SPIDR: variants seen among roughly 807,000 people sequenced by gnomAD.
The protein encoded by SPIDR is DNA repair-scaffolding protein.
SPIDR carries 93 observed loss-of-function variants against 104.6 expected under a neutral mutation model. The observed-to-expected ratio is 0.89, with a 90% CI of 0.75 to 1.06. SPIDR has a LOEUF of 1.06. SPIDR is among the 50% of genes least tolerant of loss of function. SPIDR has a pLI of 0.00. For synonymous variants in SPIDR, 431 were observed against 416.9 expected, an observed-to-expected ratio of 1.03 and a Z score of -0.41; for missense variants, 1,154 against 1,111.2, an observed-to-expected ratio of 1.04 and a Z score of -0.55.
chr8:47,732,283 C>T (rs1436918079), intron 19 of SPIDR: 3 of 689,444 alleles, frequency 4.4e-6, no homozygotes, highest in Non-Finnish European at 7.9e-6. Context: ...GGTGTGTGTA[C>T]CTGAGTGCAC....
intron 10 of SPIDR, among the ~76,000 whole-genome samples, chr8:47,654,789 A>T (rs1004073102): frequency 6.6e-6 from 1 of 152,084 alleles, no homozygotes; most frequent in Non-Finnish European, 1.5e-5. Context: ...GGTTTGTTAC[A>T]TATGTATACA....
chr8:47,289,941 A>G lies in SPIDR; in HGVS notation c.257-1092A>G, dbSNP rs371466521. Among the ~76,000 whole-genome samples, 179 of 152,316 alleles carry G rather than the reference A, an allele frequency of 1.2e-3. 1 individual carries two copies. The East Asian group carries it at 0.024, about 21-fold the overall frequency. On this transcript the variant is annotated intron_variant, in intron 3 of 19. Coordinates refer to ENST00000297423, the MANE Select transcript of SPIDR (RefSeq NM_001080394.4). ...CTATTCAGTAATAAAAAGAAAATAA[A>G]TGTTGATACACACAACTTAGATGAA...
intron 11 of SPIDR, among the ~76,000 whole-genome samples, chr8:47,697,093 G>A (rs1032837463): frequency 6.6e-6 from 1 of 151,990 alleles, no homozygotes; most frequent in Non-Finnish European, 1.5e-5. Context: ...CTCTTGAGGG[G>A]TGTCTCCAAG....
intron 5 of SPIDR, among the ~76,000 whole-genome samples, chr8:47,357,110 G>A (rs1280080096): frequency 1.3e-5 from 2 of 152,292 alleles, no homozygotes; most frequent in Middle Eastern, 3.4e-3. Context: ...AGTTTAAGTT[G>A]AGTGCTTGTG....
chr8:47,589,324 G>A (rs2060701397), intron 8 of SPIDR, among the ~76,000 whole-genome samples: 1 of 151,832 alleles, frequency 6.6e-6, no homozygotes, highest in African/African-American at 2.4e-5. Flanking sequence ...TTTGAGACCA[G>A]CCTGGCTAGC....
At chr8:47,446,447 C>G (rs544439608) in intron 8 of SPIDR, among the ~76,000 whole-genome samples, 17 of 152,254 alleles carry the variant, frequency 1.1e-4, no homozygotes, top group African/African-American at 3.9e-4. Context: ...ACCTAGTCAG[C>G]CAAGAGCTCT....
At chr8:47,401,838 T>A (rs2061941247) in intron 6 of SPIDR, among the ~76,000 whole-genome samples, 1 of 152,114 alleles carries the variant, frequency 6.6e-6, no homozygotes, top group Non-Finnish European at 1.5e-5. Flanking sequence ...ATAAAGCAAG[T>A]CCTTAGAGAC....
intron 5 of SPIDR, among the ~76,000 whole-genome samples, chr8:47,341,134 G>C (rs1385520292): frequency 6.6e-6 from 1 of 152,156 alleles, no homozygotes; most frequent in Non-Finnish European, 1.5e-5. Context: ...CACCTGTGGG[G>C]TCTGTGCTAA....
intron 8 of SPIDR, among the ~76,000 whole-genome samples, chr8:47,525,071 A>AAGT (rs1348401547): frequency 6.6e-6 from 1 of 152,212 alleles, no homozygotes; most frequent in Non-Finnish European, 1.5e-5. Flanking sequence ...TTCCCGGACT[A>AAGT]GGGTGAATTC....
rs560718973 is a variant in SPIDR, at chr8:47,704,087, G to A, written c.1977+2072G>A. 1.1e-4 allele frequency among the ~76,000 whole-genome samples: 17 copies of A among 152,292 alleles called. 1 individual carries two copies. The highest frequency in any genetic ancestry group is 3.4e-3 in the Middle Eastern group (1 of 294). ...TGATATGTTAGTAACTGTCAATTGC[G>A]TTTCCTTTCCTTCTCTGCAGAAAGT... On this transcript the variant is annotated intron_variant, in intron 14 of 19. Transcript: ENST00000297423.
intron 8 of SPIDR, among the ~76,000 whole-genome samples, chr8:47,446,052 G>T (rs1408884935): frequency 6.6e-6 from 1 of 152,208 alleles, no homozygotes; most frequent in Non-Finnish European, 1.5e-5. Context: ...ATTAATGAAG[G>T]TGGCTACACT....
intron 1 of SPIDR, 46 bp downstream of exon 1, chr8:47,261,037 C>T: frequency 2.4e-6 from 3 of 1,225,032 alleles, no homozygotes; most frequent in Non-Finnish European, 3.1e-6. Flanking sequence ...TCCCGCGTTG[C>T]GGGGAAGCGG....
intron 8 of SPIDR, among the ~76,000 whole-genome samples, chr8:47,519,531 CTT>C: frequency 6.6e-6 from 1 of 152,304 alleles, no homozygotes; most frequent in South Asian, 2.1e-4. Flanking sequence ...AATCCGAACA[CTT>C]TTGGGAATCC....
intron 8 of SPIDR, among the ~76,000 whole-genome samples, chr8:47,482,811 G>A (rs370304906): frequency 6.6e-6 from 1 of 152,074 alleles, no homozygotes; most frequent in African/African-American, 2.4e-5. Flanking sequence ...AGTCCTCATG[G>A]GCAGCTGTGT....
At chr8:47,629,320 A>G (rs2066689386) in intron 10 of SPIDR, among the ~76,000 whole-genome samples, 1 of 152,210 alleles carries the variant, frequency 6.6e-6, no homozygotes, top group African/African-American at 2.4e-5. Flanking sequence ...TTTTATTTAT[A>G]CATAGCAGGT....
intron 8 of SPIDR, among the ~76,000 whole-genome samples, chr8:47,503,522 AT>A (rs2080918912): frequency 6.6e-6 from 1 of 152,074 alleles, no homozygotes; most frequent in Non-Finnish European, 1.5e-5. Flanking sequence ...TTTTGAGCCT[AT>A]GTGTGTCTCT....
chr8:47,468,622 A>G (rs2075253440), intron 8 of SPIDR, among the ~76,000 whole-genome samples: 1 of 152,176 alleles, frequency 6.6e-6, no homozygotes, highest in South Asian at 2.1e-4. Context: ...CATTCAATAA[A>G]TGGTGTTGGG....
intron 1 of SPIDR, among the ~76,000 whole-genome samples, chr8:47,277,363 ATGTTATGTTATGT>A (rs1402542170): frequency 2.0e-5 from 3 of 147,244 alleles, no homozygotes; most frequent in Admixed American, 6.8e-5. Flanking sequence ...ATGTTATGTT[ATGTTATGTTATGT>A]TATTTTAGAG....
intron 6 of SPIDR, among the ~76,000 whole-genome samples, chr8:47,399,474 A>G (rs1418756822): frequency 6.6e-6 from 1 of 152,232 alleles, no homozygotes; most frequent in Non-Finnish European, 1.5e-5. Context: ...GTCCTTCATT[A>G]GCTGACAGGG....
Sources: gnomAD v4.1 joint callset for allele counts (sites outside exome capture counted in the v4.1 genomes callset) on GRCh38, gnomAD v4.1.1 for gene constraint, MANE v1.5 for transcripts, NCBI Gene and HGNC (gene_info 2026-07-23, HGNC 2026-07-21) for gene names.